The following CDC42SE2 variants were observed in gnomAD, a reference collection of about 807,000 sequenced individuals.
The protein encoded by CDC42SE2 is CDC42 small effector protein 2.
A neutral mutation model predicts 11.5 loss-of-function variants in CDC42SE2; 3 were observed. The observed-to-expected ratio is 0.26, with a 90% CI of 0.12 to 0.67. The LOEUF (loss-of-function observed/expected upper bound fraction) is 0.67, where lower values mean the gene tolerates loss of function less well. CDC42SE2 is among the 30% of genes least tolerant of loss of function. CDC42SE2 has a pLI of 0.80. For missense variants in CDC42SE2, 82 were observed against 106.8 expected (o/e 0.77, Z 1.02); for synonymous variants, 33 against 34.8 (o/e 0.95, Z 0.18).
rs180846956 is a variant in CDC42SE2 at position 131,295,886 on chromosome 5, C to T, written c.-454-20090C>T. Among the ~76,000 whole-genome samples the T allele has an allele frequency of 4.1e-3, 626 of 152,112 alleles. 4 individuals carry two copies. Among genetic ancestry groups the T allele is most frequent in the African/African-American group, 0.013 (540 of 41,516 alleles). ...TTGTTTAGTAGAGATGGTGTTTCAC[C>T]GTGTTAGCCAGGGTGGTCTCGACCT... On this transcript the variant is annotated intron_variant, in intron 1 of 4. Transcript: ENST00000505065.
In CDC42SE2 at chr5:131,266,472, T is replaced by C. The variant is rs546822542; in HGVS notation, c.-455+2306T>C. Among the ~76,000 whole-genome samples the C allele has an allele frequency of 8.6e-5, 13 of 150,628 alleles. No homozygotes were observed. In the South Asian group the frequency reaches 2.7e-3, roughly 31 times the overall value. On this transcript the variant is annotated intron_variant, in intron 1 of 4. Coordinates refer to ENST00000505065, the MANE Select transcript of CDC42SE2 (RefSeq NM_001375635.1). Reference sequence around the variant, plus strand: ...AGCTTTTTTTTTTCTTTTTTTTTTTTTTTTCGAGACGAAGTCTCGCTCTGT... The same window carrying C: ...AGCTTTTTTTTTTCTTTTTTTTTTTCTTTTCGAGACGAAGTCTCGCTCTGT...
intron 3 of CDC42SE2, among the ~76,000 whole-genome samples, chr5:131,360,730 G>C (rs1238545865): frequency 2.0e-5 from 3 of 152,052 alleles, no homozygotes; most frequent in Non-Finnish European, 4.4e-5. Context: ...ATTTATATTT[G>C]TAACAACGTA....
chr5:131,298,185 C>G (rs1485789761), intron 1 of CDC42SE2, among the ~76,000 whole-genome samples: 2 of 151,802 alleles, frequency 1.3e-5, no homozygotes, highest in Non-Finnish European at 2.9e-5. Flanking sequence ...TCAGCGCAAC[C>G]TCTGCCTCCT....
At chr5:131,314,577 G>T (rs1049858442) in intron 1 of CDC42SE2, among the ~76,000 whole-genome samples, 6 of 152,116 alleles carry the variant, frequency 3.9e-5, no homozygotes, top group Non-Finnish European at 8.8e-5. Flanking sequence ...TATAGAAATA[G>T]AATTGATTTT....
chr5:131,346,930 A>T (rs2149758420), intron 2 of CDC42SE2, among the ~76,000 whole-genome samples: 1 of 152,346 alleles, frequency 6.6e-6, no homozygotes, highest in Non-Finnish European at 1.5e-5. Context: ...ATGAAGGCAG[A>T]AATAAAGATG....
chr5:131,328,087 A>T (rs1758335905), intron 2 of CDC42SE2, among the ~76,000 whole-genome samples: 1 of 152,180 alleles, frequency 6.6e-6, no homozygotes. Context: ...GAAATGGGGC[A>T]CATAGTCTTA....
the CDC42SE2 span, among the ~76,000 whole-genome samples, chr5:131,212,775 A>T: frequency 6.6e-6 from 1 of 152,192 alleles, no homozygotes; most frequent in South Asian, 2.1e-4. Flanking sequence ...ACAAAAGATT[A>T]GTGGGGTCAT....
intron 1 of CDC42SE2, among the ~76,000 whole-genome samples, chr5:131,295,418 A>G (rs1191674792): frequency 6.6e-6 from 1 of 152,186 alleles, no homozygotes; most frequent in African/African-American, 2.4e-5. Flanking sequence ...ATTATGGTGC[A>G]TCCATATAAT....
the CDC42SE2 span, among the ~76,000 whole-genome samples, chr5:131,221,166 G>A: frequency 5.9e-5 from 9 of 152,178 alleles, no homozygotes; most frequent in Admixed American, 2.6e-4. Context: ...GATTACAGAC[G>A]CCCAGCCTCA....
intron 2 of CDC42SE2, among the ~76,000 whole-genome samples, chr5:131,321,537 G>A (rs1037774240): frequency 2.0e-5 from 3 of 152,110 alleles, no homozygotes; most frequent in Admixed American, 6.5e-5. Flanking sequence ...AAAGTGTTAA[G>A]TGAAAAAGGT....
At chr5:131,364,519 A>C (rs1749800083) in intron 3 of CDC42SE2, among the ~76,000 whole-genome samples, 1 of 152,200 alleles carries the variant, frequency 6.6e-6, no homozygotes. Flanking sequence ...ATTCTTTGTG[A>C]AATAGGAAAT....
At chr5:131,320,360 C>G (rs753989656) in intron 2 of CDC42SE2, among the ~76,000 whole-genome samples, 1 of 151,514 alleles carries the variant, frequency 6.6e-6, no homozygotes, top group Non-Finnish European at 1.5e-5. Context: ...CCACTGTACT[C>G]CAGCCTGCGT....
Position 131,359,401 on chromosome 5 carries a change from C to G in CDC42SE2, c.-93C>G. 1 of 888,860 alleles carries G rather than the reference C, an allele frequency of 1.1e-6. No individual in the cohort carries two copies. Among genetic ancestry groups the G allele is most frequent in the Non-Finnish European group, 1.9e-6 (1 of 518,708 alleles). 55.1% of individuals were successfully genotyped at this position (888,860 alleles called of 1,614,324 possible). On this transcript the variant is annotated 5_prime_UTR_variant, in exon 3 of 5. Transcript: ENST00000505065. ...ATAATAAAATTTCATCTTGGCATCA[C>G]TGGACATCATCGTATTGAGGAGCGT...
chr5:131,268,261 C>T (rs1485962248), intron 1 of CDC42SE2, among the ~76,000 whole-genome samples: 1 of 151,400 alleles, frequency 6.6e-6, no homozygotes, highest in African/African-American at 2.4e-5. Context: ...CAGGGTTTCT[C>T]CATGGTCATC....
At chr5:131,226,569 T>C in the CDC42SE2 span, among the ~76,000 whole-genome samples, 1 of 152,178 alleles carries the variant, frequency 6.6e-6, no homozygotes, top group Non-Finnish European at 1.5e-5. Context: ...AGCCAAACTT[T>C]GTAGAGATTA....
chr5:131,339,466 A>G (rs150048892), intron 2 of CDC42SE2, among the ~76,000 whole-genome samples: 382 of 152,180 alleles, frequency 2.5e-3, no homozygotes, highest in African/African-American at 8.4e-3. Flanking sequence ...CTAAGACACT[A>G]TAGTAGGTCA....
intron 2 of CDC42SE2, among the ~76,000 whole-genome samples, chr5:131,321,255 T>C (rs1758180670): frequency 6.6e-6 from 1 of 152,242 alleles, no homozygotes; most frequent in South Asian, 2.1e-4. Context: ...GTTTTTGCAG[T>C]ACTGTAATAG....
chr5:131,238,159 G>C, the CDC42SE2 span, among the ~76,000 whole-genome samples: 23 of 151,280 alleles, frequency 1.5e-4, no homozygotes, highest in African/African-American at 5.6e-4. Context: ...GGCAAGGGGA[G>C]GGAGAGCACT....
intron 1 of CDC42SE2, among the ~76,000 whole-genome samples, chr5:131,270,496 T>C (rs975067251): frequency 6.6e-6 from 1 of 152,378 alleles, no homozygotes; most frequent in African/African-American, 2.4e-5. Flanking sequence ...TTCAACATTG[T>C]GTATGTTTTA....
Sources: allele counts gnomAD v4.1 joint callset (sites outside exome capture counted in the v4.1 genomes callset), GRCh38; gene constraint gnomAD v4.1.1; transcripts MANE v1.5; gene names NCBI Gene and HGNC (gene_info 2026-07-23, HGNC 2026-07-21).